The following PCCA variants were observed in gnomAD, a reference collection of about 807,000 sequenced individuals.
The protein encoded by PCCA is propionyl-CoA carboxylase alpha chain, mitochondrial.
A neutral mutation model predicts 101.3 loss-of-function variants in PCCA; 74 were observed. The observed-to-expected ratio is 0.73, with a 90% CI of 0.61 to 0.89. The LOEUF (loss-of-function observed/expected upper bound fraction) is 0.89. PCCA is among the 40% of genes least tolerant of loss of function. The pLI is 0.00. For missense variants in PCCA, 891 were observed against 907.0 expected (o/e 0.98, Z 0.23); for synonymous variants, 294 against 313.6 (o/e 0.94, Z 0.66).
chr13:100,170,701 G>T (rs968682882), intron 6 of PCCA, among the ~76,000 whole-genome samples: 3 of 152,066 alleles, frequency 2.0e-5, no homozygotes, highest in Non-Finnish European at 4.4e-5. Flanking sequence ...ATAATGTGTT[G>T]TATTTCTTAA....
At chr13:100,237,941 T>TTCTTTC (rs201509738) in intron 8 of PCCA, among the ~76,000 whole-genome samples, 3 of 139,080 alleles carry the variant, frequency 2.2e-5, no homozygotes, top group Non-Finnish European at 3.2e-5. Flanking sequence ...CTTTCTTTCT[T>TTCTTTC]TTTTTTTTTT....
At chr13:100,333,648 T>C (rs1480403921) in intron 17 of PCCA, among the ~76,000 whole-genome samples, 1 of 152,214 alleles carries the variant, frequency 6.6e-6, no homozygotes, top group Non-Finnish European at 1.5e-5. Context: ...TTTTAAGAAC[T>C]ATAATTTCAT....
intron 4 of PCCA, among the ~76,000 whole-genome samples, chr13:100,148,866 T>C (rs2052928653): frequency 6.6e-6 from 1 of 152,164 alleles, no homozygotes; most frequent in South Asian, 2.1e-4. Context: ...ATTTTACCAC[T>C]TTGAAAATCA....
intron 9 of PCCA, among the ~76,000 whole-genome samples, chr13:100,260,971 A>G (rs1216581118): frequency 5.3e-5 from 8 of 152,048 alleles, no homozygotes; most frequent in African/African-American, 1.9e-4. Context: ...AGAAAACACA[A>G]AACAAGCAAA....
chr13:100,316,243 A>C (rs867448959), intron 16 of PCCA, among the ~76,000 whole-genome samples: 2 of 152,332 alleles, frequency 1.3e-5, no homozygotes, highest in African/African-American at 4.8e-5. Context: ...TATTTTATTT[A>C]GAAAACATTA....
At chr13:100,282,124 G>T (rs2064168671) in intron 12 of PCCA, among the ~76,000 whole-genome samples, 1 of 152,064 alleles carries the variant, frequency 6.6e-6, no homozygotes. Context: ...TTGCCCTTTG[G>T]GTTTTCTTAT....
chr13:100,326,442 C>A (rs1030044596), intron 16 of PCCA, among the ~76,000 whole-genome samples: 2 of 152,172 alleles, frequency 1.3e-5, no homozygotes, highest in African/African-American at 4.8e-5. Context: ...CTGCTATTGA[C>A]TTATTTTACG....
At position 100,154,937 on chromosome 13, in the gene PCCA, T is replaced by C. The variant is rs778800179; in HGVS notation, c.301-42T>C. Reference sequence around the variant, plus strand: ...GTATTTGCAGATGATGGTAATTCTTTTTGCTGGGCGCATCTGTTAATGCAG... The same window carrying C: ...GTATTTGCAGATGATGGTAATTCTTCTTGCTGGGCGCATCTGTTAATGCAG... On this transcript the variant is annotated intron_variant, in intron 4 of 23. Transcript: ENST00000376285. 4 of 1,290,518 alleles carry C rather than the reference T, an allele frequency of 3.1e-6. No homozygotes were observed. The South Asian group carries it at 4.7e-5, about 15-fold the overall frequency. The allele number at this position is 1,290,518 out of a possible 1,614,324, so 79.9% of individuals were successfully genotyped here.
rs57838783 is a variant in PCCA at position 100,127,688 on chromosome 13, C to G, written c.300+15627C>G. ...CAGGCGGATCATGAGGTCAGGAGATCGAGACCATCCTGGCTAACACAGTGA... is the reference window on the plus strand; with the variant it reads ...CAGGCGGATCATGAGGTCAGGAGATGGAGACCATCCTGGCTAACACAGTGA... On this transcript the variant is annotated intron_variant, in intron 4 of 23. Coordinates refer to ENST00000376285, the MANE Select transcript of PCCA (RefSeq NM_000282.4). Among the ~76,000 whole-genome samples, 741 of 151,460 alleles carry G rather than the reference C, an allele frequency of 4.9e-3. 41 individuals carry two copies. In the East Asian group the frequency reaches 0.13, roughly 26 times the overall value.
At chr13:100,173,470 A>C (rs999196751) in intron 6 of PCCA, among the ~76,000 whole-genome samples, 5 of 152,206 alleles carry the variant, frequency 3.3e-5, no homozygotes, top group Admixed American at 1.3e-4. Flanking sequence ...AAGATAAAAC[A>C]GCTCTCAGGT....
At chr13:100,523,062 G>A (rs566469699) in intron 22 of PCCA, among the ~76,000 whole-genome samples, 3 of 152,102 alleles carry the variant, frequency 2.0e-5, no homozygotes, top group African/African-American at 4.8e-5. Context: ...TTCTTTGAGC[G>A]TTCTTCGTGG....
chr13:100,336,355 C>G (rs186396836), intron 17 of PCCA, among the ~76,000 whole-genome samples: 2 of 152,104 alleles, frequency 1.3e-5, no homozygotes, highest in African/African-American at 2.4e-5. Flanking sequence ...AAATGGTAGA[C>G]CTAAAACCAC....
intron 6 of PCCA, among the ~76,000 whole-genome samples, chr13:100,178,241 C>T (rs571551249): frequency 2.0e-5 from 3 of 152,230 alleles, no homozygotes; most frequent in African/African-American, 7.2e-5. Flanking sequence ...AGAAAAGATG[C>T]TTAGGCAAAT....
At chr13:100,144,143 C>T (rs1214161426) in intron 4 of PCCA, among the ~76,000 whole-genome samples, 1 of 152,072 alleles carries the variant, frequency 6.6e-6, no homozygotes, top group Non-Finnish European at 1.5e-5. Flanking sequence ...TCTTGAGCTC[C>T]GTAACTGCTT....
intron 21 of PCCA, among the ~76,000 whole-genome samples, chr13:100,495,944 T>A (rs2085242720): frequency 6.6e-6 from 1 of 150,860 alleles, no homozygotes; most frequent in Admixed American, 6.7e-5. Context: ...TTATCAGGGT[T>A]GATTTATTGT....
intron 11 of PCCA, among the ~76,000 whole-genome samples, chr13:100,270,161 A>G (rs1003570357): frequency 2.6e-5 from 4 of 152,218 alleles, no homozygotes; most frequent in African/African-American, 9.6e-5. Context: ...GGAAGAAGAA[A>G]AGCCAAAGGG....
intron 19 of PCCA, among the ~76,000 whole-genome samples, chr13:100,395,308 T>G (rs1391487838): frequency 6.6e-6 from 1 of 152,226 alleles, no homozygotes; most frequent in Non-Finnish European, 1.5e-5. Flanking sequence ...GTCTTGTTTC[T>G]TAGCCATAAC....
At chr13:100,496,394 C>T (rs1040965206) in intron 21 of PCCA, among the ~76,000 whole-genome samples, 2 of 152,208 alleles carry the variant, frequency 1.3e-5, no homozygotes. Flanking sequence ...GTGATCTTGA[C>T]ATTTTTGAAG....
chr13:100,273,344 C>T lies in PCCA; in HGVS notation c.1063C>T (p.Gln355Ter), dbSNP rs776617304. 1.9e-6 allele frequency: 3 copies of T among 1,609,930 alleles called. No homozygotes were observed. Among genetic ancestry groups the T allele is most frequent in the Admixed American group, 1.7e-5 (1 of 60,018 alleles). Residue 355 changes from glutamine to a stop codon, truncating the protein, a stop_gained and splice_region_variant, in exon 12 of 24, where the codon CAG becomes TAG. Coordinates refer to ENST00000376285, the MANE Select transcript of PCCA (RefSeq NM_000282.4). LOFTEE classifies it high-confidence loss of function. ...TTTCTTGGAAATGAATACAAGACTC[C>T]AGGTAACAACAACTGTTATTTATTC... ...FYFLEMNTRL[Q>*]VEHPVTECIT... is the part of the protein sequence containing the mutation.
Sources: allele counts gnomAD v4.1 joint callset (sites outside exome capture counted in the v4.1 genomes callset), GRCh38; gene constraint gnomAD v4.1.1; transcripts MANE v1.5; gene names NCBI Gene and HGNC (gene_info 2026-07-23, HGNC 2026-07-21).